The following TENM2 variants were observed in gnomAD, a reference collection of about 807,000 sequenced individuals.
TENM2 encodes teneurin transmembrane protein 2, also known as teneurin-2.
A neutral mutation model predicts 245.2 loss-of-function variants in TENM2; 52 were observed. The observed-to-expected ratio is 0.21, with a 90% CI of 0.17 to 0.27. TENM2 has a LOEUF of 0.27. Among genes scored for constraint, TENM2 ranks in the 10% least tolerant of loss-of-function variants. The pLI is 1.00. For synonymous variants in TENM2, 1,363 were observed against 1,438.9 expected (o/e 0.95, Z 1.19); for missense variants, 3,046 against 3,666.8 (o/e 0.83, Z 4.37).
At chr5:167,443,699 C>T (rs544138029) in intron 2 of TENM2, among the ~76,000 whole-genome samples, 15 of 152,186 alleles carry the variant, frequency 9.9e-5, no homozygotes, top group African/African-American at 3.4e-4. Flanking sequence ...AGTATAAGTA[C>T]TTCTGAAATA....
At position 168,007,669 on chromosome 5, in the gene TENM2, C is replaced by T. The variant is rs1339083162; in HGVS notation, c.1186+14487C>T. Among the ~76,000 whole-genome samples, 16 of 152,188 alleles carry T rather than the reference C, an allele frequency of 1.1e-4. 1 individual carries two copies. On this transcript the variant is annotated intron_variant, in intron 5 of 28. Coordinates refer to ENST00000518659, the Ensembl canonical transcript of TENM2. ...GACACAGAATTCCTTTCTTGACACA[C>T]TGAAACGAACGACTCACTGAAAATA... is the stretch of plus-strand genomic sequence containing the variant.
chr5:167,776,930 A>C (rs1228073097), intron 2 of TENM2, among the ~76,000 whole-genome samples: 1 of 152,208 alleles, frequency 6.6e-6, no homozygotes, highest in African/African-American at 2.4e-5. Flanking sequence ...AGCAATTTGC[A>C]TGCATTGAAT....
At chr5:167,070,284 A>ATTTTTTTTTTTTTTTTTT in the TENM2 span, among the ~76,000 whole-genome samples, 8 of 99,348 alleles carry the variant, frequency 8.1e-5, no homozygotes, top group African/African-American at 1.6e-4. Context: ...CGCCCGGCTA[A>ATTTTTTTTTTTTTTTTTT]TTTTTTTTTT....
At chr5:167,170,018 C>T in the TENM2 span, among the ~76,000 whole-genome samples, 1 of 152,162 alleles carries the variant, frequency 6.6e-6, no homozygotes, top group Non-Finnish European at 1.5e-5. Flanking sequence ...AGTCCTGATA[C>T]CTCCTTCAGT....
chr5:167,742,448 T>C (rs114481034), intron 2 of TENM2, among the ~76,000 whole-genome samples: 2,156 of 151,958 alleles, frequency 0.014, 45 homozygotes, highest in African/African-American at 0.05. Context: ...ATTTTTAAGG[T>C]TCTTCACCCA....
At chr5:167,088,187 T>A in the TENM2 span, among the ~76,000 whole-genome samples, 1 of 152,178 alleles carries the variant, frequency 6.6e-6, no homozygotes, top group Non-Finnish European at 1.5e-5. Flanking sequence ...TTAAAATTAA[T>A]TCAATCTCAT....
chr5:167,102,778 C>T, the TENM2 span, among the ~76,000 whole-genome samples: 1 of 152,230 alleles, frequency 6.6e-6, no homozygotes, highest in African/African-American at 2.4e-5. Context: ...CCTGCCTCAG[C>T]CTCCCGAGTA....
At chr5:167,787,659 C>A (rs1461265628) in intron 2 of TENM2, among the ~76,000 whole-genome samples, 2 of 152,154 alleles carry the variant, frequency 1.3e-5, no homozygotes, top group Non-Finnish European at 2.9e-5. Flanking sequence ...TCTTTTTGAC[C>A]TAGCCTACAT....
chr5:168,164,557 G>A (rs893767134), intron 13 of TENM2, among the ~76,000 whole-genome samples: 9 of 151,956 alleles, frequency 5.9e-5, no homozygotes, highest in African/African-American at 9.7e-5. Flanking sequence ...TTTACTCTCC[G>A]GCCCTTTACA....
intron 1 of TENM2, among the ~76,000 whole-genome samples, chr5:167,296,740 T>A (rs1021498030): frequency 2.0e-5 from 3 of 152,206 alleles, no homozygotes; most frequent in Non-Finnish European, 4.4e-5. Flanking sequence ...ACATTTCATT[T>A]AATGCTTGCA....
At chr5:167,369,532 C>T (rs1204162936) in intron 1 of TENM2, among the ~76,000 whole-genome samples, 1 of 152,010 alleles carries the variant, frequency 6.6e-6, no homozygotes, top group Non-Finnish European at 1.5e-5. Flanking sequence ...AGATTGGCAC[C>T]ATATTACTTT....
chr5:167,212,224 T>C, the TENM2 span, among the ~76,000 whole-genome samples: 1 of 152,030 alleles, frequency 6.6e-6, no homozygotes, highest in East Asian at 1.9e-4. Context: ...CTTGAAAAGC[T>C]TCCATAGCTC....
At chr5:167,031,349 C>A in the TENM2 span, among the ~76,000 whole-genome samples, 1 of 152,110 alleles carries the variant, frequency 6.6e-6, no homozygotes, top group African/African-American at 2.4e-5. Context: ...ATTTTTTAAT[C>A]CAGATTTTTA....
intron 2 of TENM2, among the ~76,000 whole-genome samples, chr5:167,654,398 G>A: frequency 6.6e-6 from 1 of 152,132 alleles, no homozygotes; most frequent in East Asian, 1.9e-4. Flanking sequence ...TAGCAGTCTG[G>A]AGAGCGAGTG....
the TENM2 span, among the ~76,000 whole-genome samples, chr5:167,119,100 C>A: frequency 6.6e-6 from 1 of 152,122 alleles, no homozygotes; most frequent in Non-Finnish European, 1.5e-5. Flanking sequence ...TTACTTGGTC[C>A]CTTTCTGCCT....
chr5:167,837,529 G>T (rs1216515980), intron 2 of TENM2, among the ~76,000 whole-genome samples: 1 of 152,064 alleles, frequency 6.6e-6, no homozygotes, highest in African/African-American at 2.4e-5. Context: ...ATTTCTAAAG[G>T]TTACATTAAT....
At chr5:167,524,106 T>C (rs1770949377) in intron 2 of TENM2, among the ~76,000 whole-genome samples, 1 of 152,182 alleles carries the variant, frequency 6.6e-6, no homozygotes, top group Non-Finnish European at 1.5e-5. Context: ...ATAATCCCTA[T>C]TGAGTCAGCA....
chr5:167,907,356 C>T (rs1037309800), intron 3 of TENM2, among the ~76,000 whole-genome samples: 3 of 151,042 alleles, frequency 2.0e-5, no homozygotes, highest in Non-Finnish European at 4.4e-5. Context: ...AACTCACAGA[C>T]CCTTGTTTAC....
intron 2 of TENM2, among the ~76,000 whole-genome samples, chr5:167,817,832 G>A (rs772981652): frequency 6.6e-6 from 1 of 152,178 alleles, no homozygotes; most frequent in African/African-American, 2.4e-5. Flanking sequence ...AGTCAGTCTT[G>A]TGTGTTCCAG....
Sources: allele counts gnomAD v4.1 joint callset (sites outside exome capture counted in the v4.1 genomes callset), GRCh38; gene constraint gnomAD v4.1.1; transcripts MANE v1.5; gene names NCBI Gene and HGNC (gene_info 2026-07-23, HGNC 2026-07-21).